Variants in SLC25A26 observed in about 807,000 individuals in gnomAD.
SLC25A26 encodes solute carrier family 25 member 26.
SLC25A26 carries 36 observed loss-of-function variants against 37.8 expected under a neutral mutation model. That is an observed-to-expected ratio of 0.95 (90% CI 0.73 to 1.26). The LOEUF is 1.26. Ranked by LOEUF, SLC25A26 falls within the 50% of genes most tolerant of loss-of-function variation. The pLI is 0.00. For synonymous variants in SLC25A26, 129 were observed against 122.5 expected (o/e 1.05, Z -0.35); for missense variants, 390 against 331.1 (o/e 1.18, Z -1.38).
chr3:66,356,741 G>GC (rs2076585551), intron 6 of SLC25A26, among the ~76,000 whole-genome samples: 1 of 152,154 alleles, frequency 6.6e-6, no homozygotes, highest in Non-Finnish European at 1.5e-5. Context: ...CAATCCTGCT[G>GC]CCTCAGCCTC....
At chr3:66,201,251 T>C (rs1002797080) in intron 1 of SLC25A26, among the ~76,000 whole-genome samples, 3 of 151,498 alleles carry the variant, frequency 2.0e-5, no homozygotes, top group Admixed American at 1.3e-4. Context: ...TAATATGTAG[T>C]TACATATAGT....
At chr3:66,350,662 G>C (rs1357969433) in intron 6 of SLC25A26, among the ~76,000 whole-genome samples, 1 of 151,904 alleles carries the variant, frequency 6.6e-6, no homozygotes, top group Non-Finnish European at 1.5e-5. Flanking sequence ...CCCTGTCCTT[G>C]ACTGGTTTTT....
Position 66,378,514 on chromosome 3 carries a change from A to C in SLC25A26, c.*707A>C, listed in dbSNP as rs1302721731. On this transcript the variant is annotated 3_prime_UTR_variant, in exon 10 of 10. Transcript: ENST00000354883. ...TGCAGGAGGGCACGGTGGGTGAGCC[A>C]TTCTCGCCATTCTCATGTCAGACTG... is the stretch of plus-strand genomic sequence containing the variant. The C allele has an allele frequency of 6.6e-6, 1 of 152,604 alleles. No individual in the cohort carries two copies. The highest frequency in any genetic ancestry group is 1.5e-5 in the Non-Finnish European group (1 of 68,052). 9.5% of individuals were successfully genotyped at this position (152,604 alleles called of 1,614,324 possible).
chr3:66,211,459 A>C (rs1244976104), intron 1 of SLC25A26, among the ~76,000 whole-genome samples: 2 of 152,228 alleles, frequency 1.3e-5, no homozygotes, highest in Non-Finnish European at 2.9e-5. Context: ...TTATTCTTTT[A>C]AACTTTTCCG....
intron 1 of SLC25A26, among the ~76,000 whole-genome samples, chr3:66,222,200 GAGA>G (rs2071528632): frequency 9.6e-6 from 1 of 104,414 alleles, no homozygotes; most frequent in African/African-American, 3.8e-5. Context: ...TTTTTTTTTT[GAGA>G]AGGAGTCTCA....
At chr3:66,333,321 T>C (rs2107687658) in intron 5 of SLC25A26, among the ~76,000 whole-genome samples, 1 of 152,336 alleles carries the variant, frequency 6.6e-6, no homozygotes, top group Admixed American at 6.5e-5. Flanking sequence ...TCTCTTATCT[T>C]TTCTGTCGTC....
upstream of SLC25A26, chr3:66,220,690 A>T: frequency 3.7e-6 from 1 of 272,928 alleles, no homozygotes; most frequent in South Asian, 4.3e-5. Context: ...GGTTAGTACT[A>T]CCCCTCACGA....
chr3:66,232,702 T>C (rs1380694957), intron 1 of SLC25A26, among the ~76,000 whole-genome samples: 3 of 152,180 alleles, frequency 2.0e-5, no homozygotes, highest in African/African-American at 7.2e-5. Context: ...AAAGGGCACA[T>C]AGTGCGAGTT....
chr3:66,223,615 T>C (rs782042892), intron 1 of SLC25A26, among the ~76,000 whole-genome samples: 2 of 152,180 alleles, frequency 1.3e-5, no homozygotes, highest in Admixed American at 6.5e-5. Flanking sequence ...AGGTAAGCAC[T>C]CAGTACTACT....
At chr3:66,208,329 T>A (rs1434920476) in intron 1 of SLC25A26, among the ~76,000 whole-genome samples, 2 of 152,102 alleles carry the variant, frequency 1.3e-5, no homozygotes, top group East Asian at 3.9e-4. Context: ...ATTGCTCTAG[T>A]TGGAATCAGT....
chr3:66,226,334 C>T (rs916025694), intron 1 of SLC25A26, among the ~76,000 whole-genome samples: 1 of 152,130 alleles, frequency 6.6e-6, no homozygotes, highest in African/African-American at 2.4e-5. Flanking sequence ...TTCACTATCA[C>T]CAGAACAGAA....
chr3:66,261,265 T>A (rs912774355), intron 3 of SLC25A26, among the ~76,000 whole-genome samples: 31 of 152,232 alleles, frequency 2.0e-4, no homozygotes, highest in African/African-American at 7.2e-4. Flanking sequence ...TTTTTACACA[T>A]CTCCCTCCCT....
chr3:66,234,129 A>G (rs187664067), intron 1 of SLC25A26, among the ~76,000 whole-genome samples: 1 of 152,158 alleles, frequency 6.6e-6, no homozygotes, highest in Non-Finnish European at 1.5e-5. Flanking sequence ...TTGCCCAGGC[A>G]GGAGCGTGGT....
intron 5 of SLC25A26, among the ~76,000 whole-genome samples, chr3:66,333,751 C>T (rs533412707): frequency 6.2e-4 from 95 of 152,306 alleles, no homozygotes; most frequent in Middle Eastern, 3.4e-3. Flanking sequence ...GTGGGCCAGG[C>T]TTTTCTTAGA....
intron 1 of SLC25A26, among the ~76,000 whole-genome samples, chr3:66,161,673 T>C (rs187008473): frequency 1.4e-4 from 21 of 152,354 alleles, no homozygotes; most frequent in African/African-American, 4.1e-4. Flanking sequence ...CTGAATTATC[T>C]GGATGACTGA....
In SLC25A26 at chr3:66,204,965, T is replaced by C. The variant is rs1298820501; in HGVS notation, c.-353-15777T>C. On this transcript the variant is annotated intron_variant, in intron 1 of 10. Transcript: ENST00000676754. ...TGGGAGGGCTAATGGGGCTCTGAGA[T>C]GGAAACGTGAATCTCGGAAAACAGA... Among the ~76,000 whole-genome samples, 5 of 152,290 alleles carry C rather than the reference T, an allele frequency of 3.3e-5. No individual in the cohort carries two copies. In the East Asian group the frequency reaches 7.7e-4, roughly 23 times the overall value.
At chr3:66,206,276 C>A (rs2071175677) in intron 1 of SLC25A26, among the ~76,000 whole-genome samples, 1 of 152,158 alleles carries the variant, frequency 6.6e-6, no homozygotes, top group African/African-American at 2.4e-5. Flanking sequence ...GCAACATCTA[C>A]TAAAAAATCC....
At chr3:66,335,291 G>A (rs2076068907) in intron 5 of SLC25A26, among the ~76,000 whole-genome samples, 1 of 152,184 alleles carries the variant, frequency 6.6e-6, no homozygotes, top group African/African-American at 2.4e-5. Context: ...AGAATTAATT[G>A]GGAAAGCATT....
chr3:66,375,964 C>T (rs1700624773), intron 9 of SLC25A26, among the ~76,000 whole-genome samples: 1 of 151,070 alleles, frequency 6.6e-6, no homozygotes, highest in Non-Finnish European at 1.5e-5. Context: ...ACATTAGTGG[C>T]TTCATAGGAG....
Sources: gnomAD v4.1 joint callset for allele counts (sites outside exome capture counted in the v4.1 genomes callset) on GRCh38, gnomAD v4.1.1 for gene constraint, MANE v1.5 for transcripts, NCBI Gene and HGNC (gene_info 2026-07-23, HGNC 2026-07-21) for gene names.